Variants in RXFP1 observed in about 807,000 individuals in gnomAD.
RXFP1 encodes the protein relaxin family peptide receptor 1, also known as relaxin receptor 1.
RXFP1 carries 73 observed loss-of-function variants against 89.8 expected under a neutral mutation model. The observed-to-expected ratio is 0.81, with a 90% confidence interval of 0.67 to 0.99. The LOEUF (loss-of-function observed/expected upper bound fraction) is 0.99. Among genes scored for constraint, RXFP1 ranks in the 50% least tolerant of loss-of-function variants. The probability of loss-of-function intolerance (pLI) is 0.00; values close to 1 mark genes in which losing one functional copy is unlikely to be tolerated. For missense variants in RXFP1, 793 were observed against 895.5 expected, an observed-to-expected ratio of 0.89 and a Z score of 1.46; for synonymous variants, 277 against 305.5, an observed-to-expected ratio of 0.91 and a Z score of 0.97.
Position 158,628,688 on chromosome 4 carries a change from C to A in RXFP1, c.878C>A (p.Pro293His). ...CACTTAAATGAAAATACTTTTGCAC[C>A]TCTCCAGAAACTGGATGAATTGTAA... ...INHLNENTFAPLQKLDELDLG... is the reference protein window; with the variant it reads ...INHLNENTFAHLQKLDELDLG... Residue 293 changes from proline to histidine, a missense_variant, in exon 11 of 18, where the codon CCT becomes CAT. Pro to His is a moderately conservative substitution (Grantham distance 77, BLOSUM62 -2). Coordinates refer to ENST00000307765, the MANE Select transcript of RXFP1 (RefSeq NM_021634.4). The A allele has an allele frequency of 6.3e-7, 1 of 1,579,190 alleles. No individual in the cohort carries two copies. Among genetic ancestry groups the A allele is most frequent in the Non-Finnish European group, 8.7e-7 (1 of 1,151,746 alleles).
At chr4:158,644,237 G>C (rs1322729277) in intron 14 of RXFP1, among the ~76,000 whole-genome samples, 1 of 151,632 alleles carries the variant, frequency 6.6e-6, no homozygotes, top group African/African-American at 2.4e-5. Context: ...TAGTAGAGAT[G>C]GGGTTTTACC....
chr4:158,627,260 CT>C, intron 10 of RXFP1, among the ~76,000 whole-genome samples: 2 of 152,100 alleles, frequency 1.3e-5, no homozygotes, highest in Middle Eastern at 3.4e-3. Flanking sequence ...ATGGTATTTT[CT>C]GTTAAAAGTA....
In RXFP1 at chr4:158,599,313, C is replaced by G; in HGVS notation, c.287-13C>G. 1 of 1,613,720 alleles carries G rather than the reference C, an allele frequency of 6.2e-7. No individual in the cohort carries two copies. The highest frequency in any genetic ancestry group is 1.3e-5 in the African/African-American group (1 of 75,012). On this transcript the variant is annotated splice_polypyrimidine_tract_variant and intron_variant, in intron 3 of 17. Coordinates refer to ENST00000307765, the MANE Select transcript of RXFP1 (RefSeq NM_021634.4). Reference sequence around the variant, plus strand: ...TCACTGTCATCATGCCTTACCACTTCCCCTTGATTCAGTGGTCGGTTCTGT... The same window carrying G: ...TCACTGTCATCATGCCTTACCACTTGCCCTTGATTCAGTGGTCGGTTCTGT...
At chr4:158,558,753 A>G (rs1751845504) in intron 1 of RXFP1, among the ~76,000 whole-genome samples, 1 of 152,244 alleles carries the variant, frequency 6.6e-6, no homozygotes, top group Admixed American at 6.5e-5. Flanking sequence ...GCTGCTGGTC[A>G]TGTATAGAAA....
chr4:158,540,964 C>T (rs1261332377), intron 1 of RXFP1, among the ~76,000 whole-genome samples: 1 of 152,002 alleles, frequency 6.6e-6, no homozygotes, highest in African/African-American at 2.4e-5. Flanking sequence ...TTAAACTTAC[C>T]GGCAAGTAGA....
intron 14 of RXFP1, among the ~76,000 whole-genome samples, chr4:158,644,415 CT>C (rs962701894): frequency 2.6e-5 from 4 of 151,936 alleles, no homozygotes; most frequent in African/African-American, 9.7e-5. Flanking sequence ...GTTTTCTTTT[CT>C]TTTTTTCTTT....
intron 2 of RXFP1, among the ~76,000 whole-genome samples, chr4:158,590,595 A>T (rs1001745300): frequency 6.6e-6 from 1 of 152,216 alleles, no homozygotes; most frequent in Non-Finnish European, 1.5e-5. Flanking sequence ...CAGACACATC[A>T]TTCCAGGAAG....
At chr4:158,536,130 G>A (rs2149809927) in intron 1 of RXFP1, among the ~76,000 whole-genome samples, 1 of 152,252 alleles carries the variant, frequency 6.6e-6, no homozygotes, top group Non-Finnish European at 1.5e-5. Context: ...TACTCAGAAA[G>A]TATCAATCAA....
At position 158,540,930 on chromosome 4, in the gene RXFP1, T is replaced by G. The variant is rs144967319; in HGVS notation, c.49+18905T>G. On this transcript the variant is annotated intron_variant, in intron 1 of 17. Coordinates refer to ENST00000307765, the MANE Select transcript of RXFP1 (RefSeq NM_021634.4). ...CTCTTTGATTTTGCTGAATAATAAGTAGTTGTATGGAAATGCATTAAAATT... is the reference window on the plus strand; with the variant it reads ...CTCTTTGATTTTGCTGAATAATAAGGAGTTGTATGGAAATGCATTAAAATT... Among the ~76,000 whole-genome samples the G allele has an allele frequency of 3.9e-3, 598 of 152,198 alleles. 1 individual carries two copies. Among genetic ancestry groups the G allele is most frequent in the Non-Finnish European group, 6.5e-3 (444 of 67,998 alleles).
At chr4:158,563,026 G>A (rs571369906) in intron 1 of RXFP1, among the ~76,000 whole-genome samples, 1 of 152,326 alleles carries the variant, frequency 6.6e-6, no homozygotes, top group African/African-American at 2.4e-5. Flanking sequence ...AGGAGATAAA[G>A]TTTGTGATGA....
intron 1 of RXFP1, among the ~76,000 whole-genome samples, chr4:158,557,635 C>A (rs1277651126): frequency 6.6e-6 from 1 of 152,178 alleles, no homozygotes; most frequent in African/African-American, 2.4e-5. Flanking sequence ...CAAAGCTGGG[C>A]TTACAGGCGT....
At chr4:158,650,681 A>T (rs1189126513) in intron 17 of RXFP1, among the ~76,000 whole-genome samples, 1 of 151,950 alleles carries the variant, frequency 6.6e-6, no homozygotes, top group Non-Finnish European at 1.5e-5. Flanking sequence ...GAGGCATGAG[A>T]ATGCTTGAAC....
In RXFP1 at chr4:158,642,972, G is replaced by A. The variant is rs1449315972; in HGVS notation, c.1116-1937G>A. ...GGAAGCCATGTTTGATTTACATAGG[G>A]CCCAAAAGATTGCTTGGACCAGGTG... On this transcript the variant is annotated intron_variant, in intron 14 of 17. Coordinates refer to ENST00000307765, the MANE Select transcript of RXFP1 (RefSeq NM_021634.4). Among the ~76,000 whole-genome samples, 3 of 152,142 alleles carry A rather than the reference G, an allele frequency of 2.0e-5. No individual in the cohort carries two copies. The East Asian group carries it at 5.8e-4, about 29-fold the overall frequency.
chr4:158,557,437 A>G (rs1374222486), intron 1 of RXFP1, among the ~76,000 whole-genome samples: 2 of 152,138 alleles, frequency 1.3e-5, no homozygotes, highest in African/African-American at 4.8e-5. Context: ...CCTAAGTTGG[A>G]GTAGTTTTTC....
rs111275682 is a variant in RXFP1, at chr4:158,525,130, C to G, written c.49+3105C>G. ...TTAGTACGTGGAAAAAGAGAATGTT[C>G]GCATATTTATCCAATTCCAAAAGAT... On this transcript the variant is annotated intron_variant, in intron 1 of 17. Coordinates refer to ENST00000307765, the MANE Select transcript of RXFP1 (RefSeq NM_021634.4). Among the ~76,000 whole-genome samples the G allele has an allele frequency of 1.1e-4, 16 of 151,714 alleles. No individual in the cohort carries two copies. The South Asian group carries it at 2.9e-3, about 28-fold the overall frequency.
intron 1 of RXFP1, among the ~76,000 whole-genome samples, chr4:158,539,896 T>C (rs1396212544): frequency 1.3e-5 from 2 of 151,924 alleles, no homozygotes; most frequent in African/African-American, 4.8e-5. Flanking sequence ...AACACACAGG[T>C]GGAGTGGAAT....
chr4:158,555,303 C>T (rs749306656), intron 1 of RXFP1, among the ~76,000 whole-genome samples: 8 of 152,102 alleles, frequency 5.3e-5, no homozygotes, highest in East Asian at 1.9e-4. Context: ...TGTATTGAAA[C>T]GCTTAAGGTT....
intron 4 of RXFP1, among the ~76,000 whole-genome samples, chr4:158,600,742 A>G (rs1761525384): frequency 6.6e-6 from 1 of 151,862 alleles, no homozygotes; most frequent in Admixed American, 6.6e-5. Flanking sequence ...CAAGGGGATC[A>G]CTTGAGCCTG....
At chr4:158,547,415 A>T (rs1274364977) in intron 1 of RXFP1, among the ~76,000 whole-genome samples, 8 of 151,968 alleles carry the variant, frequency 5.3e-5, no homozygotes, top group Non-Finnish European at 8.8e-5. Context: ...TGGATTCATT[A>T]AATTTTTGAA....
Sources: gnomAD v4.1 joint callset for allele counts (sites outside exome capture counted in the v4.1 genomes callset) on GRCh38, gnomAD v4.1.1 for gene constraint, MANE v1.5 for transcripts, NCBI Gene and HGNC (gene_info 2026-07-23, HGNC 2026-07-21) for gene names.